The following CELF2 variants were observed in gnomAD, a reference collection of about 807,000 sequenced individuals.
CELF2 encodes CUGBP Elav-like family member 2.
A neutral mutation model predicts 62.6 loss-of-function variants in CELF2; 8 were observed. The ratio of observed to expected loss-of-function variants is 0.13; its 90% CI spans 0.07 to 0.23. CELF2 has a LOEUF of 0.23. Ranked by LOEUF, CELF2 falls within the 10% of genes least tolerant of loss-of-function variation. CELF2 has a pLI of 1.00. For missense variants in CELF2, 333 were observed against 671.0 expected (o/e 0.50, Z 5.56); for synonymous variants, 258 against 250.0 (o/e 1.03, Z -0.30).
the CELF2 span, among the ~76,000 whole-genome samples, chr10:10,540,285 C>T: frequency 2.0e-5 from 3 of 152,154 alleles, no homozygotes; most frequent in African/African-American, 7.2e-5. Flanking sequence ...GGAACAGGTT[C>T]GACTGAGCAT....
At chr10:11,130,947 A>G (rs1595858391) in intron 1 of CELF2, among the ~76,000 whole-genome samples, 1 of 152,212 alleles carries the variant, frequency 6.6e-6, no homozygotes, top group Admixed American at 6.5e-5. Flanking sequence ...ATTTTAGTGC[A>G]TTTGCATATT....
At chr10:10,592,409 G>A in the CELF2 span, among the ~76,000 whole-genome samples, 2 of 152,272 alleles carry the variant, frequency 1.3e-5, no homozygotes, top group Non-Finnish European at 2.9e-5. Flanking sequence ...TATTTTAAAC[G>A]CTTGAACAAG....
chr10:10,544,817 A>C, the CELF2 span, among the ~76,000 whole-genome samples: 1 of 152,248 alleles, frequency 6.6e-6, no homozygotes, highest in African/African-American at 2.4e-5. Flanking sequence ...GCTCACTGAC[A>C]AGAACTGAAT....
At chr10:10,704,325 G>T in the CELF2 span, among the ~76,000 whole-genome samples, 2 of 151,740 alleles carry the variant, frequency 1.3e-5, no homozygotes, top group Non-Finnish European at 2.9e-5. Context: ...CTGTCTGTTT[G>T]CATACCCACT....
chr10:11,211,809 A>T lies in CELF2; in HGVS notation c.272-5616A>T, dbSNP rs568667036. On this transcript the variant is annotated intron_variant, in intron 2 of 12. Transcript: ENST00000633077. The surrounding 1 kb of genome is among the most constrained non-coding windows in gnomAD (Gnocchi z 4.8). Reference sequence around the variant, plus strand: ...ATGTGTGTGAGAGAGAGAGAGAGAGAGAGAGTGTGTGTGTGTGTGTGTGTG... The same window carrying T: ...ATGTGTGTGAGAGAGAGAGAGAGAGTGAGAGTGTGTGTGTGTGTGTGTGTG... Among the ~76,000 whole-genome samples, 12 of 129,960 alleles carry T rather than the reference A, an allele frequency of 9.2e-5. No homozygotes were observed. Among genetic ancestry groups the T allele is most frequent in the African/African-American group, 2.5e-4 (8 of 31,916 alleles). 85.3% of individuals were successfully genotyped at this position (129,960 alleles called of 152,430 possible).
chr10:11,000,020 A>G (rs1489301570), intron 2 of CELF2, among the ~76,000 whole-genome samples: 1 of 152,220 alleles, frequency 6.6e-6, no homozygotes, highest in Non-Finnish European at 1.5e-5. Context: ...ACTTATGAAT[A>G]TTCACCTGTG....
the CELF2 span, among the ~76,000 whole-genome samples, chr10:10,566,761 T>C: frequency 6.6e-6 from 1 of 152,156 alleles, no homozygotes; most frequent in Non-Finnish European, 1.5e-5. Context: ...CTGAATTCTA[T>C]GCTGAGTCCA....
chr10:10,560,241 C>T, the CELF2 span, among the ~76,000 whole-genome samples: 5 of 152,072 alleles, frequency 3.3e-5, no homozygotes, highest in African/African-American at 1.2e-4. Context: ...CTTTTTCTTT[C>T]CCAAAAGGAA....
chr10:11,166,148 G>A (rs1378005588), intron 2 of CELF2, among the ~76,000 whole-genome samples: 3 of 152,208 alleles, frequency 2.0e-5, no homozygotes, highest in Non-Finnish European at 4.4e-5. Context: ...AACAGTTGAC[G>A]TGATGCCACT....
chr10:11,196,707 C>T (rs1311431486), intron 2 of CELF2, among the ~76,000 whole-genome samples: 3 of 151,714 alleles, frequency 2.0e-5, no homozygotes, highest in Non-Finnish European at 4.4e-5. Context: ...CCTGTAATCC[C>T]AGCACTTTGG....
the CELF2 span, among the ~76,000 whole-genome samples, chr10:10,517,339 C>G: frequency 3.9e-5 from 6 of 152,194 alleles, no homozygotes; most frequent in East Asian, 9.7e-4. Context: ...GGAGCCCACA[C>G]TTTTAATCAG....
intron 1 of CELF2, among the ~76,000 whole-genome samples, chr10:10,853,982 C>A (rs879713981): frequency 2.6e-5 from 4 of 152,128 alleles, no homozygotes; most frequent in Admixed American, 2.6e-4. Context: ...CCCCATATAC[C>A]TTCTTTGTGT....
At chr10:11,028,097 A>G (rs899796809) in intron 1 of CELF2, among the ~76,000 whole-genome samples, 4 of 152,174 alleles carry the variant, frequency 2.6e-5, no homozygotes, top group African/African-American at 9.7e-5. Flanking sequence ...ACTTTCAGAA[A>G]ACGCGCAGTC....
In CELF2 at chr10:11,266,278, A is replaced by G. The variant is rs1034284382; in HGVS notation, c.539-320A>G. ...ATGGAAAATAGCAACTTTTTATTTTAGAAAATGCAAACTAGATCTTGCTGA... is the reference window on the plus strand; with the variant it reads ...ATGGAAAATAGCAACTTTTTATTTTGGAAAATGCAAACTAGATCTTGCTGA... On this transcript the variant is annotated intron_variant, in intron 5 of 12. Coordinates refer to ENST00000633077, the MANE Select transcript of CELF2 (RefSeq NM_001326342.2). Among the ~76,000 whole-genome samples the G allele has an allele frequency of 3.3e-5, 5 of 152,320 alleles. No homozygotes were observed. The South Asian group carries it at 1.0e-3, about 32-fold the overall frequency.
intron 1 of CELF2, among the ~76,000 whole-genome samples, chr10:11,114,668 G>A (rs2056124197): frequency 6.6e-6 from 1 of 152,230 alleles, no homozygotes; most frequent in South Asian, 2.1e-4. Context: ...ATAAGTGATT[G>A]TTGAGTGGCA....
chr10:11,156,640 G>A lies in CELF2; in HGVS notation c.75-8846G>A, dbSNP rs577940374. 1.3e-5 allele frequency among the ~76,000 whole-genome samples: 2 copies of A among 152,092 alleles called. No homozygotes were observed. Among genetic ancestry groups the A allele is most frequent in the African/African-American group, 2.4e-5 (1 of 41,370 alleles). On this transcript the variant is annotated intron_variant, in intron 1 of 12. Coordinates refer to ENST00000633077, the MANE Select transcript of CELF2 (RefSeq NM_001326342.2). The surrounding 1 kb of genome is among the most constrained non-coding windows in gnomAD (Gnocchi z 4.3). ...AGCTCCTTGAATTTGTCAGACTCGC[G>A]TCATAAATATGATTAAGTGAATGAA...
chr10:10,610,441 T>C, the CELF2 span, among the ~76,000 whole-genome samples: 1 of 152,242 alleles, frequency 6.6e-6, no homozygotes, highest in Non-Finnish European at 1.5e-5. Context: ...TGAGTTGCTT[T>C]AGAAAGTTTA....
chr10:10,638,713 A>G, the CELF2 span, among the ~76,000 whole-genome samples: 1 of 152,230 alleles, frequency 6.6e-6, no homozygotes. Context: ...CTAAATCATG[A>G]AATCTGACTC....
chr10:10,736,165 A>G, the CELF2 span, among the ~76,000 whole-genome samples: 1 of 152,214 alleles, frequency 6.6e-6, no homozygotes, highest in Non-Finnish European at 1.5e-5. Flanking sequence ...AAAACAAGAT[A>G]CAAACCCTGA....
Sources: gnomAD v4.1 joint callset for allele counts (sites outside exome capture counted in the v4.1 genomes callset) on GRCh38, gnomAD v4.1.1 for gene constraint, Gnocchi (gnomAD v3.1) non-coding constraint, MANE v1.5 for transcripts, NCBI Gene and HGNC (gene_info 2026-07-23, HGNC 2026-07-21) for gene names.